The following KCNQ1 variants were observed in gnomAD, a reference collection of about 807,000 sequenced individuals.
The protein encoded by KCNQ1 is potassium voltage-gated channel subfamily Q member 1.
In KCNQ1, 49 loss-of-function variants were observed where a neutral mutation model predicts 72.4. That is an observed-to-expected ratio of 0.68 (90% CI 0.54 to 0.86). The LOEUF is 0.86. Among genes scored for constraint, KCNQ1 ranks in the 40% least tolerant of loss-of-function variants. The pLI is 0.00. For synonymous variants in KCNQ1, 450 were observed against 412.6 expected (o/e 1.09, Z -1.10); for missense variants, 790 against 945.1 (o/e 0.84, Z 2.15).
At chr11:2,649,774 G>A in intron 10 of KCNQ1, 2 of 398,462 alleles carry the variant, frequency 5.0e-6, no homozygotes, top group Non-Finnish European at 8.8e-6. Flanking sequence ...CCTCAGAGAG[G>A]CCCTTTTAGG....
At position 2,547,807 on chromosome 11, in the gene KCNQ1, G is replaced by T. The variant is rs75822747; in HGVS notation, c.477+19789G>T. On this transcript the variant is annotated intron_variant, in intron 2 of 15. Coordinates refer to ENST00000155840, the MANE Select transcript of KCNQ1 (RefSeq NM_000218.3). This position sits in a 1 kb window ranked among gnomAD's most constrained non-coding sequence, Gnocchi z 4.2. ...AGGGGCGGCAGTTCTCAGTGGAGCG[G>T]CCGGGCTGCGAGTCTCTGTATGGAG... is the stretch of plus-strand genomic sequence containing the variant. Among the ~76,000 whole-genome samples the T allele has an allele frequency of 0.021, 3,142 of 152,302 alleles. 52 individuals carry two copies. Among genetic ancestry groups the T allele is most frequent in the Middle Eastern group, 0.058 (17 of 294 alleles).
intron 14 of KCNQ1, 81 bp downstream of exon 14, chr11:2,777,113 TGATG>T: frequency 7.1e-7 from 1 of 1,411,518 alleles, no homozygotes; most frequent in Non-Finnish European, 1.0e-6. Context: ...GCTCTCCCCA[TGATG>T]TCAGAATGGG....
Position 2,830,600 on chromosome 11 carries a change from G to T in KCNQ1, c.1795-17167G>T, listed in dbSNP as rs530186723. Among the ~76,000 whole-genome samples the T allele has an allele frequency of 1.2e-3, 180 of 152,232 alleles. No individual in the cohort carries two copies. Among genetic ancestry groups the T allele is most frequent in the Non-Finnish European group, 2.0e-3 (136 of 68,002 alleles). Reference sequence around the variant, plus strand: ...CCTGAATCTCTCATCAACTCACAGGGTCAGCCTGGGCCAGGCAGGCTGGGG... The same window carrying T: ...CCTGAATCTCTCATCAACTCACAGGTTCAGCCTGGGCCAGGCAGGCTGGGG... On this transcript the variant is annotated intron_variant, in intron 15 of 15. Coordinates refer to ENST00000155840, the MANE Select transcript of KCNQ1 (RefSeq NM_000218.3). This position sits in a 1 kb window ranked among gnomAD's most constrained non-coding sequence, Gnocchi z 7.7.
chr11:2,581,790 G>C (rs1418316121), intron 6 of KCNQ1, among the ~76,000 whole-genome samples: 2 of 152,388 alleles, frequency 1.3e-5, no homozygotes, highest in East Asian at 3.9e-4. Context: ...ACGCTTGTGA[G>C]TGTGCACCCA....
Position 2,446,746 on chromosome 11 carries a change from A to G in KCNQ1, c.386+1262A>G, listed in dbSNP as rs953856423. Among the ~76,000 whole-genome samples, 3 of 151,822 alleles carry G rather than the reference A, an allele frequency of 2.0e-5. No homozygotes were observed. The South Asian group carries it at 6.2e-4, about 32-fold the overall frequency. Reference sequence around the variant, plus strand: ...GGGGTGATCTTGGAGACTTTTCCCCACCCCAGCTCCCAAGCCCCTGTCTCC... The same window carrying G: ...GGGGTGATCTTGGAGACTTTTCCCCGCCCCAGCTCCCAAGCCCCTGTCTCC... On this transcript the variant is annotated intron_variant, in intron 1 of 15. Coordinates refer to ENST00000155840, the MANE Select transcript of KCNQ1 (RefSeq NM_000218.3). The surrounding 1 kb of genome is among the most constrained non-coding windows in gnomAD (Gnocchi z 8.8).
At chr11:2,571,693 A>C (rs914735348) in intron 4 of KCNQ1, among the ~76,000 whole-genome samples, 2 of 152,082 alleles carry the variant, frequency 1.3e-5, no homozygotes, top group Non-Finnish European at 2.9e-5. Flanking sequence ...ATCTGGGCAC[A>C]CAGCCTGCCC....
intron 15 of KCNQ1, among the ~76,000 whole-genome samples, chr11:2,834,236 T>A (rs975747687): frequency 6.6e-6 from 1 of 151,746 alleles, no homozygotes; most frequent in East Asian, 1.9e-4. Context: ...AGTGGCAAGG[T>A]GCGTGACATG....
Position 2,723,410 on chromosome 11 carries a change from C to A in KCNQ1, c.1515-45434C>A, listed in dbSNP as rs1353830868. Among the ~76,000 whole-genome samples, 1 of 152,240 alleles carries A rather than the reference C, an allele frequency of 6.6e-6. No individual in the cohort carries two copies. The highest frequency in any genetic ancestry group is 1.9e-4 in the East Asian group (1 of 5,200). On this transcript the variant is annotated intron_variant, in intron 11 of 15. Transcript: ENST00000155840. The surrounding 1 kb of genome is among the most constrained non-coding windows in gnomAD (Gnocchi z 4.2). ...ATCTGTAAAGTGGGATGTGACAATA[C>A]CCTTCTTGCTGAATGGGCAGGGAGA...
chr11:2,474,462 G>C (rs528231938), intron 1 of KCNQ1, among the ~76,000 whole-genome samples: 19 of 152,342 alleles, frequency 1.2e-4, no homozygotes, highest in African/African-American at 3.6e-4. Context: ...GCCGCCAGAT[G>C]ATGGGCCCTA....
chr11:2,648,188 G>A (rs1249295721), intron 10 of KCNQ1: 1 of 366,252 alleles, frequency 2.7e-6, no homozygotes, highest in Non-Finnish European at 4.8e-6. Context: ...CTGGGTGACA[G>A]AGTGAGACCG....
At chr11:2,681,183 A>G in intron 11 of KCNQ1, 1 of 398,608 alleles carries the variant, frequency 2.5e-6, no homozygotes, top group Non-Finnish European at 4.4e-6. Context: ...GGGTTTGGAA[A>G]AAGTCATTTT....
In KCNQ1 at chr11:2,735,870, T is replaced by C. The variant is rs1845947398; in HGVS notation, c.1515-32974T>C. ...CAGGTGGGATTAGGGCTCACCCTTA[T>C]ACCCCCATTCTGCTTTAATTACTTC... On this transcript the variant is annotated intron_variant, in intron 11 of 15. Coordinates refer to ENST00000155840, the MANE Select transcript of KCNQ1 (RefSeq NM_000218.3). This position sits in a 1 kb window ranked among gnomAD's most constrained non-coding sequence, Gnocchi z 7.7. Among the ~76,000 whole-genome samples, 1 of 152,182 alleles carries C rather than the reference T, an allele frequency of 6.6e-6. No individual in the cohort carries two copies. Among genetic ancestry groups the C allele is most frequent in the Non-Finnish European group, 1.5e-5 (1 of 68,024 alleles).
intron 10 of KCNQ1, chr11:2,610,388 A>G: frequency 2.5e-6 from 1 of 398,334 alleles, no homozygotes; most frequent in South Asian, 1.3e-4. Context: ...AGCTGAAAGG[A>G]GAGCAAGTAT....
intron 2 of KCNQ1, among the ~76,000 whole-genome samples, chr11:2,540,375 C>T (rs116340010): frequency 0.012 from 1,900 of 152,342 alleles, 35 homozygotes; most frequent in African/African-American, 0.043. Context: ...GGGCTCGGTG[C>T]GGCCTCACGG....
Position 2,827,565 on chromosome 11 carries a change from G to A in KCNQ1, c.1795-20202G>A, listed in dbSNP as rs1156796007. On this transcript the variant is annotated intron_variant, in intron 15 of 15. Transcript: ENST00000155840. The surrounding 1 kb of genome is among the most constrained non-coding windows in gnomAD (Gnocchi z 6.7). ...CTGAGTCGCTGCAAGGGCCCCTGGGGACGGAGTCTCTATTCCAGGCAGGCA... is the reference window on the plus strand; with the variant it reads ...CTGAGTCGCTGCAAGGGCCCCTGGGAACGGAGTCTCTATTCCAGGCAGGCA... Among the ~76,000 whole-genome samples, 1 of 150,564 alleles carries A rather than the reference G, an allele frequency of 6.6e-6. No homozygotes were observed. Among genetic ancestry groups the A allele is most frequent in the Non-Finnish European group, 1.5e-5 (1 of 67,752 alleles).
intron 11 of KCNQ1, chr11:2,680,876 C>T (rs1850385074): frequency 2.5e-6 from 1 of 398,568 alleles, no homozygotes; most frequent in Non-Finnish European, 4.4e-6. Flanking sequence ...AAGATTCACC[C>T]AGGTTATTGT....
At position 2,670,702 on chromosome 11, in the gene KCNQ1, G is replaced by A. The variant is rs1027602488; in HGVS notation, c.1514+8621G>A. The A allele has an allele frequency of 2.5e-6, 1 of 398,542 alleles. No individual in the cohort carries two copies. Among genetic ancestry groups the A allele is most frequent in the African/African-American group, 2.1e-5 (1 of 48,618 alleles). The allele number at this position is 398,542 out of a possible 1,614,324, so 24.7% of individuals were successfully genotyped here. ...AGCAGTAACAAGACAAAGGGATTCT[G>A]TGGCCCATGGAGCAGGAGGGAACAG... On this transcript the variant is annotated intron_variant, in intron 11 of 15. Coordinates refer to ENST00000155840, the MANE Select transcript of KCNQ1 (RefSeq NM_000218.3). This position sits in a 1 kb window ranked among gnomAD's most constrained non-coding sequence, Gnocchi z 4.9.
rs944860168 is a variant in KCNQ1 at position 2,654,636 on chromosome 11, C to G, written c.1394-7325C>G. 2.5e-6 allele frequency: 1 copy of G among 398,530 alleles called. No homozygotes were observed. 24.7% of individuals were successfully genotyped at this position (398,530 alleles called of 1,614,324 possible). A position where few individuals can be genotyped will look rare whatever the true frequency, so the allele number is the denominator to read the frequency against. ...TTACTAGGAAGGGCCCAGACACTGG[C>G]GAGAGTCTCTTGAGGGCAGAGGGCA... On this transcript the variant is annotated intron_variant, in intron 10 of 15. Coordinates refer to ENST00000155840, the MANE Select transcript of KCNQ1 (RefSeq NM_000218.3). The surrounding 1 kb of genome is among the most constrained non-coding windows in gnomAD (Gnocchi z 6.4).
At position 2,621,621 on chromosome 11, in the gene KCNQ1, T is replaced by C. The variant is rs1849173950; in HGVS notation, c.1393+32767T>C. ...TGATTTAATCTTAGCAGGTTGGTTT[T>C]TTTCTAGGAATTTGTCCATTTCCTC... is the stretch of plus-strand genomic sequence containing the variant. On this transcript the variant is annotated intron_variant, in intron 10 of 15. Transcript: ENST00000155840. The surrounding 1 kb of genome is among the most constrained non-coding windows in gnomAD (Gnocchi z 5.7). The C allele has an allele frequency of 2.5e-6, 1 of 398,372 alleles. No homozygotes were observed. Among genetic ancestry groups the C allele is most frequent in the Non-Finnish European group, 4.4e-6 (1 of 226,010 alleles). 24.7% of individuals were successfully genotyped at this position (398,372 alleles called of 1,614,324 possible). A position where few individuals can be genotyped will look rare whatever the true frequency, so the allele number is the denominator to read the frequency against.
Sources: allele counts gnomAD v4.1 joint callset (sites outside exome capture counted in the v4.1 genomes callset), GRCh38; gene constraint gnomAD v4.1.1; non-coding constraint Gnocchi (gnomAD v3.1); transcripts MANE v1.5; gene names NCBI Gene and HGNC (gene_info 2026-07-23, HGNC 2026-07-21).